Variants in IL1RAPL2 observed in about 807,000 individuals in gnomAD.
IL1RAPL2 encodes the protein X-linked interleukin-1 receptor accessory protein-like 2.
IL1RAPL2 carries 3 observed loss-of-function variants against 44.1 expected under a neutral mutation model. The ratio of observed to expected loss-of-function variants is 0.07; its 90% CI spans 0.03 to 0.18. The LOEUF (loss-of-function observed/expected upper bound fraction) is 0.18. Ranked by LOEUF, IL1RAPL2 falls within the 10% of genes least tolerant of loss-of-function variation. The pLI is 1.00. For missense variants in IL1RAPL2, 391 were observed against 496.4 expected, an observed-to-expected ratio of 0.79 and a Z score of 2.02; for synonymous variants, 181 against 178.8, an observed-to-expected ratio of 1.01 and a Z score of -0.10.
At chrX:104,869,456 C>T (rs938416111) in intron 2 of IL1RAPL2, among the ~76,000 whole-genome samples, 1 of 111,650 alleles carries the variant, frequency 9.0e-6, no homozygotes, top group Admixed American at 9.5e-5. Context: ...AAACTTCTTC[C>T]TTTTAAAATA....
chrX:105,262,367 C>T (rs1306331300), intron 4 of IL1RAPL2, among the ~76,000 whole-genome samples: 2 of 111,769 alleles, frequency 1.8e-5, no homozygotes, highest in African/African-American at 6.5e-5. Flanking sequence ...GTCACATTAA[C>T]TCCTGATGAT....
At chrX:104,721,488 A>G (rs1191027360) in intron 2 of IL1RAPL2, among the ~76,000 whole-genome samples, 3 of 110,766 alleles carry the variant, frequency 2.7e-5, no homozygotes, top group Middle Eastern at 4.7e-3. Context: ...ATGAGAACAC[A>G]TGGACACAGG....
At chrX:105,617,536 T>G (rs913031056) in intron 6 of IL1RAPL2, among the ~76,000 whole-genome samples, 1 of 111,625 alleles carries the variant, frequency 9.0e-6, no homozygotes, top group African/African-American at 3.3e-5. Context: ...CTTATTATTT[T>G]TAATATCCTC....
At chrX:105,074,990 G>A (rs2032270465) in intron 2 of IL1RAPL2, among the ~76,000 whole-genome samples, 2 of 111,401 alleles carry the variant, frequency 1.8e-5, no homozygotes, top group East Asian at 2.8e-4. Context: ...TCTGCAAACA[G>A]GGACAATTTG....
chrX:105,678,901 CATT>C (rs991865561), intron 6 of IL1RAPL2, among the ~76,000 whole-genome samples: 1 of 110,540 alleles, frequency 9.0e-6, no homozygotes, highest in African/African-American at 3.3e-5. Context: ...CAAGCAGAAA[CATT>C]AGTTTTAAAA....
intron 6 of IL1RAPL2, among the ~76,000 whole-genome samples, chrX:105,589,788 G>A (rs1306239575): frequency 2.7e-5 from 3 of 111,505 alleles, no homozygotes; most frequent in Non-Finnish European, 5.7e-5. Flanking sequence ...TAGCCTTGGA[G>A]TATAGTTTGA....
In IL1RAPL2 at chrX:105,267,424, C is replaced by G; in HGVS notation, c.580C>G (p.Gln194Glu). The G allele has an allele frequency of 1.7e-6, 2 of 1,202,099 alleles. No homozygotes were observed. The highest frequency in any genetic ancestry group is 2.2e-6 in the Non-Finnish European group (2 of 891,143). Residue 194 changes from glutamine to glutamate, a missense_variant, in exon 5 of 11, where the codon CAG becomes GAG. Gln to Glu is a conservative substitution (Grantham distance 29). Transcript: ENST00000372582. ...KPKMWRSIIIQKGNALLIQEV... is the reference protein window; with the variant it reads ...KPKMWRSIIIEKGNALLIQEV... Reference sequence around the variant, plus strand: ...AAAAATGTGGAGAAGCATAATAATACAGAAAGGAAATGCTCTTCTGATCCA... The same window carrying G: ...AAAAATGTGGAGAAGCATAATAATAGAGAAAGGAAATGCTCTTCTGATCCA...
At chrX:104,837,656 A>T (rs1921776307) in intron 2 of IL1RAPL2, among the ~76,000 whole-genome samples, 1 of 110,858 alleles carries the variant, frequency 9.0e-6, no homozygotes, top group South Asian at 3.7e-4. Flanking sequence ...GATTGCAAAA[A>T]TTTTCTCCCA....
At chrX:105,051,902 G>A (rs752096591) in intron 2 of IL1RAPL2, among the ~76,000 whole-genome samples, 10 of 112,165 alleles carry the variant, frequency 8.9e-5, no homozygotes, top group African/African-American at 2.9e-4. Context: ...TTAAGAGGAC[G>A]GGCCAATAGG....
intron 2 of IL1RAPL2, among the ~76,000 whole-genome samples, chrX:104,695,036 C>T (rs1180054124): frequency 8.9e-6 from 1 of 112,100 alleles, no homozygotes; most frequent in Non-Finnish European, 1.9e-5. Flanking sequence ...CTCAACAATC[C>T]ATTGATGTGT....
intron 6 of IL1RAPL2, among the ~76,000 whole-genome samples, chrX:105,515,528 C>T (rs1405803659): frequency 9.1e-6 from 1 of 109,906 alleles, no homozygotes; most frequent in Non-Finnish European, 1.9e-5. Flanking sequence ...AAAAATTTAC[C>T]AACTGTCAGG....
chrX:105,037,139 T>G (rs1295090931), intron 2 of IL1RAPL2, among the ~76,000 whole-genome samples: 1 of 111,666 alleles, frequency 9.0e-6, no homozygotes, highest in African/African-American at 3.3e-5. Context: ...ATAAAAGTGT[T>G]GTCTAAGAGG....
At chrX:104,662,347 G>T (rs1283128953) in intron 2 of IL1RAPL2, among the ~76,000 whole-genome samples, 1 of 111,944 alleles carries the variant, frequency 8.9e-6, no homozygotes. Flanking sequence ...ATATTAAAAT[G>T]CACAGCATTT....
intron 2 of IL1RAPL2, among the ~76,000 whole-genome samples, chrX:104,922,119 C>T (rs1438612898): frequency 4.5e-5 from 5 of 112,183 alleles, no homozygotes; most frequent in African/African-American, 1.6e-4. Context: ...AGTTTTGCCC[C>T]CTCCAGCCAC....
At chrX:105,659,186 C>G (rs1394340878) in intron 6 of IL1RAPL2, among the ~76,000 whole-genome samples, 1 of 109,617 alleles carries the variant, frequency 9.1e-6, no homozygotes, top group East Asian at 2.9e-4. Context: ...CAACACCACC[C>G]GGGAACACAT....
At chrX:104,739,330 A>G (rs1034284397) in intron 2 of IL1RAPL2, among the ~76,000 whole-genome samples, 1 of 112,467 alleles carries the variant, frequency 8.9e-6, no homozygotes, top group African/African-American at 3.2e-5. Flanking sequence ...TTTTTAAAAA[A>G]ACAGGCTGTA....
intron 1 of IL1RAPL2, among the ~76,000 whole-genome samples, chrX:104,590,591 TTG>T (rs1186994085): frequency 9.0e-6 from 1 of 111,502 alleles, no homozygotes; most frequent in Non-Finnish European, 1.9e-5. Flanking sequence ...TGTGACTTTC[TTG>T]TGTGTTTTTA....
At chrX:104,632,078 G>A (rs1271270538) in intron 1 of IL1RAPL2, among the ~76,000 whole-genome samples, 3 of 111,529 alleles carry the variant, frequency 2.7e-5, no homozygotes, top group Admixed American at 9.5e-5. Context: ...AGTTTTCCCA[G>A]CACCATTTAT....
chrX:105,030,677 A>C (rs1000231692), intron 2 of IL1RAPL2, among the ~76,000 whole-genome samples: 1 of 111,288 alleles, frequency 9.0e-6, no homozygotes, highest in African/African-American at 3.3e-5. Context: ...AGTCAGGTAG[A>C]GTGATGCCTC....
Sources: gnomAD v4.1 joint callset for allele counts (sites outside exome capture counted in the v4.1 genomes callset) on GRCh38, gnomAD v4.1.1 for gene constraint, MANE v1.5 for transcripts, NCBI Gene and HGNC (gene_info 2026-07-23, HGNC 2026-07-21) for gene names.